TAF5: variants seen among roughly 807,000 people sequenced by gnomAD.
TAF5 encodes the protein transcription initiation factor TFIID subunit 5.
In TAF5, 20 loss-of-function variants were observed where a neutral mutation model predicts 80.9. That is an observed-to-expected ratio of 0.25 (90% confidence interval 0.17 to 0.36). The LOEUF (loss-of-function observed/expected upper bound fraction) is 0.36. TAF5 is among the 10% of genes least tolerant of loss of function. TAF5 has a pLI of 1.00. For missense variants in TAF5, 863 were observed against 1,029.4 expected (o/e 0.84, Z 2.21); for synonymous variants, 388 against 406.4 (o/e 0.95, Z 0.55).
At chr10:103,377,757 A>G (rs1381616945) in intron 2 of TAF5, among the ~76,000 whole-genome samples, 1 of 152,168 alleles carries the variant, frequency 6.6e-6, no homozygotes, top group Non-Finnish European at 1.5e-5. Flanking sequence ...AATGTTATAT[A>G]TTGATTATTG....
rs1224294465 is a variant in TAF5 at position 103,383,420 on chromosome 10, T to C, written c.1664+53T>C. On this transcript the variant is annotated intron_variant, in intron 7 of 10. Transcript: ENST00000369839. ...ACTGCTATGTTATATTGAAATTATA[T>C]AAAAGTTAACTACTGGAAACATTAT... 2.0e-6 allele frequency: 3 copies of C among 1,501,718 alleles called. No homozygotes were observed. The African/African-American group carries it at 4.4e-5, about 22-fold the overall frequency. The allele number at this position is 1,501,718 out of a possible 1,614,324, so 93.0% of individuals were successfully genotyped here.
Position 103,381,244 on chromosome 10 carries a change from C to T in TAF5, c.1414-477C>T, listed in dbSNP as rs151148243. Among the ~76,000 whole-genome samples the T allele has an allele frequency of 1.0e-3, 158 of 151,530 alleles. 1 individual carries two copies. The highest frequency in any genetic ancestry group is 3.6e-3 in the African/African-American group (149 of 41,304). On this transcript the variant is annotated intron_variant, in intron 5 of 10. Coordinates refer to ENST00000369839, the MANE Select transcript of TAF5 (RefSeq NM_006951.5). ...GATAACAGGCATGAACCCCCGCGCC[C>T]GGCCAAACTTAGTATTTTATTTTAT...
rs2093404015 is a variant in TAF5 at position 103,388,704 on chromosome 10, A to G, written c.*481A>G. On this transcript the variant is annotated 3_prime_UTR_variant, in exon 11 of 11. Transcript: ENST00000369839. ...CCACTAACTTTTTTTTTCTTGGCCC[A>G]TGATTAATGGAATGTATGTAACTAG... 1 of 154,992 alleles carries G rather than the reference A, an allele frequency of 6.5e-6. No homozygotes were observed. Among genetic ancestry groups the G allele is most frequent in the Non-Finnish European group, 1.4e-5 (1 of 69,854 alleles). 9.6% of individuals were successfully genotyped at this position (154,992 alleles called of 1,614,324 possible). A position where few individuals can be genotyped will look rare whatever the true frequency, so the allele number is the denominator to read the frequency against.
chr10:103,382,973 G>C (rs1175884364), intron 6 of TAF5, among the ~76,000 whole-genome samples: 1 of 152,146 alleles, frequency 6.6e-6, no homozygotes, highest in Non-Finnish European at 1.5e-5. Context: ...GTGAAACACT[G>C]TGGCATAGTG....
chr10:103,387,559 A>T lies in TAF5; in HGVS notation c.2046A>T (p.Arg682Ser), dbSNP rs1412043321. 3 of 1,613,814 alleles carry T rather than the reference A, an allele frequency of 1.9e-6. No individual in the cohort carries two copies. The highest frequency in any genetic ancestry group is 2.5e-6 in the Non-Finnish European group (3 of 1,180,010). The change falls in exon 10 of 11, where the codon AGA becomes AGT. Residue 682 changes from arginine to serine, a missense_variant. Arg to Ser is a moderately radical substitution (Grantham distance 110, BLOSUM62 -1). Transcript: ENST00000369839. ...CCTTGACATTTTCTCCCAATGGGAG[A>T]TTCCTGGCTACAGGAGCAACAGATG... is the stretch of plus-strand genomic sequence containing the variant. Reference protein sequence around the residue: ...IHSLTFSPNGRFLATGATDGR... With the variant: ...IHSLTFSPNGSFLATGATDGR...
At position 103,385,465 on chromosome 10, in the gene TAF5, T is replaced by C. The variant is rs763300131; in HGVS notation, c.1804T>C (p.Ser602Pro). Residue 602 changes from serine (S) to proline (P), a missense_variant, in exon 8 of 11, where the codon TCA (serine) becomes CCA (proline). Transcript: ENST00000369839. ...QFSPYGYYFVSGGHDRVARLW... is the reference protein window; with the variant it reads ...QFSPYGYYFVPGGHDRVARLW... ...TTCTCCATATGGATATTATTTTGTG[T>C]CAGGGGGCCATGACCGAGTAGCTCG... is the stretch of plus-strand genomic sequence containing the variant. The C allele has an allele frequency of 6.2e-7, 1 of 1,614,070 alleles. No homozygotes were observed. The highest frequency in any genetic ancestry group is 8.5e-7 in the Non-Finnish European group (1 of 1,180,014).
rs1005397843 is a variant in TAF5 at position 103,368,002 on chromosome 10, G to A, written c.13G>A (p.Ala5Thr). The change falls in exon 1 of 11, where the codon GCG (alanine) becomes ACG (threonine). Residue 5 changes from alanine to threonine, a missense_variant. Transcript: ENST00000369839. MAAL[A>T]EEQTEVAVKL... ...GCTCAGCCGCAAGATGGCGGCGCTG[G>A]CGGAGGAGCAGACGGAGGTGGCGGT... 1.2e-5 allele frequency: 17 copies of A among 1,461,050 alleles called. No individual in the cohort carries two copies. The African/African-American group carries it at 2.4e-4, about 20-fold the overall frequency. 90.5% of individuals were successfully genotyped at this position (1,461,050 alleles called of 1,614,324 possible).
rs753387102 is a variant in TAF5, at chr10:103,368,259, T to C, written c.270T>C (p.Ala90=). The change falls in exon 1 of 11, where the codon GCT becomes GCC. Residue 90 remains alanine, a synonymous_variant. Transcript: ENST00000369839. ...CCGCCGCTGCTCCGGACGCCGGCGC[T>C]CCGCATGACCGACAGACTCTACTGG... ...PVPAAAPDAG[A]PHDRQTLLAV... 4 of 1,521,050 alleles carry C rather than the reference T, an allele frequency of 2.6e-6. No individual in the cohort carries two copies. The highest frequency in any genetic ancestry group is 2.9e-5 in the African/African-American group (2 of 70,084). The allele number at this position is 1,521,050 out of a possible 1,614,324, so 94.2% of individuals were successfully genotyped here.
rs1233970490 is a variant in TAF5, at chr10:103,378,871, G to A, written c.1113+321G>A. On this transcript the variant is annotated intron_variant, in intron 3 of 10. Coordinates refer to ENST00000369839, the MANE Select transcript of TAF5 (RefSeq NM_006951.5). The surrounding 1 kb of genome is among the most constrained non-coding windows in gnomAD (Gnocchi z 4.1). ...GACAGGGTTTCACCATGTTGGCCAGGCTGGTCTCGAACTCCTGACCTCAGA... is the reference window on the plus strand; with the variant it reads ...GACAGGGTTTCACCATGTTGGCCAGACTGGTCTCGAACTCCTGACCTCAGA... Among the ~76,000 whole-genome samples the A allele has an allele frequency of 6.6e-6, 1 of 152,090 alleles. No homozygotes were observed. The highest frequency in any genetic ancestry group is 1.5e-5 in the Non-Finnish European group (1 of 68,030).
chr10:103,379,077 G>C (rs2093376177), intron 3 of TAF5, among the ~76,000 whole-genome samples: 1 of 152,156 alleles, frequency 6.6e-6, no homozygotes, highest in South Asian at 2.1e-4. Flanking sequence ...CTGAAACAAA[G>C]AATTTTTCTC....
At chr10:103,376,987 C>T (rs539493266) in intron 2 of TAF5, among the ~76,000 whole-genome samples, 9 of 152,038 alleles carry the variant, frequency 5.9e-5, no homozygotes, top group East Asian at 3.9e-4. Context: ...GAGGTTGCAG[C>T]GAGCTGAGAT....
At chr10:103,384,857 TTTTTTC>T (rs778341705) in intron 7 of TAF5, among the ~76,000 whole-genome samples, 1 of 152,210 alleles carries the variant, frequency 6.6e-6, no homozygotes, top group Non-Finnish European at 1.5e-5. Context: ...TCTGTAGTTT[TTTTTTC>T]TTTTTCTTCA....
intron 9 of TAF5, 27 bp from the exon 10 acceptor site, chr10:103,387,494 T>G (rs1324825712): frequency 6.3e-7 from 1 of 1,592,308 alleles, no homozygotes; most frequent in Non-Finnish European, 8.5e-7. Context: ...AGACATACTT[T>G]GATCTTTTCT....
At chr10:103,383,125 G>A (rs2093386920) in intron 6 of TAF5, 113 bp from the exon 7 acceptor site, 1 of 921,384 alleles carries the variant, frequency 1.1e-6, no homozygotes, top group Non-Finnish European at 1.6e-6. Context: ...AGTGCGGTTG[G>A]TATATAGGAG....
chr10:103,383,441 A>G lies in TAF5; in HGVS notation c.1664+74A>G, dbSNP rs374775425. ...TATATAAAAGTTAACTACTGGAAAC[A>G]TTATGCAAATGCTGGGAAAATTCTG... On this transcript the variant is annotated intron_variant, in intron 7 of 10. Transcript: ENST00000369839. 49 of 1,382,738 alleles carry G rather than the reference A, an allele frequency of 3.5e-5. No homozygotes were observed. In the African/African-American group the frequency reaches 6.4e-4, roughly 18 times the overall value. 85.7% of individuals were successfully genotyped at this position (1,382,738 alleles called of 1,614,324 possible).
rs1195524545 is a variant in TAF5, at chr10:103,378,662, G to T, written c.1113+112G>T. 2 of 1,287,770 alleles carry T rather than the reference G, an allele frequency of 1.6e-6. No individual in the cohort carries two copies. Among genetic ancestry groups the T allele is most frequent in the Non-Finnish European group, 2.1e-6 (2 of 953,892 alleles). The allele number at this position is 1,287,770 out of a possible 1,614,324, so 79.8% of individuals were successfully genotyped here. On this transcript the variant is annotated intron_variant, in intron 3 of 10. Coordinates refer to ENST00000369839, the MANE Select transcript of TAF5 (RefSeq NM_006951.5). This position sits in a 1 kb window ranked among gnomAD's most constrained non-coding sequence, Gnocchi z 4.1. ...AGCTAGCTTGGAAACAATTTTTTTC[G>T]TTTGTTTGTTTTGAGACGGAGTTTT...
At position 103,381,705 on chromosome 10, in the gene TAF5, A is replaced by C; in HGVS notation, c.1414-16A>C. On this transcript the variant is annotated splice_polypyrimidine_tract_variant and intron_variant, in intron 5 of 10. Transcript: ENST00000369839. ...TCCTAAAATAGTATTGTTTAGTCTA[A>C]CCCTTTTATTGGCAGGGTCTCACTG... 6.2e-7 allele frequency: 1 copy of C among 1,614,010 alleles called. No homozygotes were observed. Among genetic ancestry groups the C allele is most frequent in the Non-Finnish European group, 8.5e-7 (1 of 1,179,920 alleles).
chr10:103,375,119 C>CAAAAA (rs914374305), intron 2 of TAF5, among the ~76,000 whole-genome samples: 4 of 80,624 alleles, frequency 5.0e-5, no homozygotes, highest in South Asian at 4.1e-4. Flanking sequence ...GACCCTGTCT[C>CAAAAA]AAAAAAAAAA....
chr10:103,372,818 C>A (rs2093362593), intron 1 of TAF5, among the ~76,000 whole-genome samples: 1 of 151,082 alleles, frequency 6.6e-6, no homozygotes, highest in African/African-American at 2.4e-5. Context: ...ATCGCTTGAA[C>A]CCGAGATGGG....
Sources: allele counts gnomAD v4.1 joint callset (sites outside exome capture counted in the v4.1 genomes callset), GRCh38; gene constraint gnomAD v4.1.1; non-coding constraint Gnocchi (gnomAD v3.1); transcripts MANE v1.5; gene names NCBI Gene and HGNC (gene_info 2026-07-23, HGNC 2026-07-21).